The following VWA3B variants were observed in gnomAD, a reference collection of about 807,000 sequenced individuals.
The protein encoded by VWA3B is von Willebrand factor A domain-containing protein 3B.
In VWA3B, 138 loss-of-function variants were observed where a neutral mutation model predicts 158.3. The observed-to-expected ratio is 0.87, with a 90% confidence interval of 0.76 to 1.00. The LOEUF (loss-of-function observed/expected upper bound fraction) is 1.00, where lower values mean the gene tolerates loss of function less well. Among genes scored for constraint, VWA3B ranks in the 50% least tolerant of loss-of-function variants. The probability of loss-of-function intolerance (pLI) is 0.00; values close to 1 mark genes in which losing one functional copy is unlikely to be tolerated. For missense variants in VWA3B, 1,555 were observed against 1,565.1 expected (o/e 0.99, Z 0.11); for synonymous variants, 596 against 587.3 (o/e 1.01, Z -0.21).
At chr2:98,151,385 G>A (rs1355029584) in intron 7 of VWA3B, among the ~76,000 whole-genome samples, 1 of 152,220 alleles carries the variant, frequency 6.6e-6, no homozygotes, top group African/African-American at 2.4e-5. Flanking sequence ...GATCACAGGT[G>A]TGAGCCACCG....
downstream of VWA3B, among the ~76,000 whole-genome samples, chr2:98,313,461 C>T (rs1691020077): frequency 6.6e-6 from 1 of 152,136 alleles, no homozygotes; most frequent in Non-Finnish European, 1.5e-5. Context: ...CTGGAGCAGT[C>T]TCCGCTAATG....
intron 14 of VWA3B, among the ~76,000 whole-genome samples, chr2:98,222,180 C>G (rs1367564775): frequency 6.6e-6 from 1 of 152,172 alleles, no homozygotes; most frequent in Non-Finnish European, 1.5e-5. Context: ...GTGGGCTACT[C>G]ATACCCTATC....
chr2:98,283,115 T>TC (rs556077742), intron 22 of VWA3B, among the ~76,000 whole-genome samples: 104 of 152,308 alleles, frequency 6.8e-4, no homozygotes, highest in Non-Finnish European at 1.4e-3. Flanking sequence ...ATTGAGAGAA[T>TC]CAATATTTGG....
intron 14 of VWA3B, among the ~76,000 whole-genome samples, chr2:98,224,127 G>A (rs975269811): frequency 6.6e-6 from 1 of 152,136 alleles, no homozygotes; most frequent in African/African-American, 2.4e-5. Context: ...TATTTTCATT[G>A]ATTGTTTACA....
chr2:98,312,400 T>C lies in VWA3B; in HGVS notation c.*51T>C. 1 of 1,558,062 alleles carries C rather than the reference T, an allele frequency of 6.4e-7. No homozygotes were observed. Among genetic ancestry groups the C allele is most frequent in the Non-Finnish European group, 8.7e-7 (1 of 1,151,994 alleles). ...AGAGACCAGCGTCCTTCCAGGCTGT[T>C]CAGACCTCAGCGTTGACACTGAAAC... On this transcript the variant is annotated 3_prime_UTR_variant, in exon 28 of 28. Coordinates refer to ENST00000477737, the MANE Select transcript of VWA3B (RefSeq NM_144992.5).
At chr2:98,270,579 G>A (rs1688137532) in intron 21 of VWA3B, 103 bp from the exon 22 acceptor site, 3 of 1,199,156 alleles carry the variant, frequency 2.5e-6, no homozygotes, top group Admixed American at 4.7e-5. Context: ...TTTCTCAGGG[G>A]AGAATTTCTT....
At chr2:98,114,229 T>G (rs1674359243) in intron 2 of VWA3B, among the ~76,000 whole-genome samples, 1 of 152,226 alleles carries the variant, frequency 6.6e-6, no homozygotes, top group Admixed American at 6.5e-5. Context: ...TTCCATAGTC[T>G]TATTTCCTTC....
intron 12 of VWA3B, among the ~76,000 whole-genome samples, chr2:98,205,871 A>G (rs575555761): frequency 1.3e-5 from 2 of 152,258 alleles, no homozygotes; most frequent in South Asian, 2.1e-4. Flanking sequence ...TTTTGATTCC[A>G]CTATAGTCAG....
chr2:98,282,948 A>G (rs974871978), intron 22 of VWA3B, among the ~76,000 whole-genome samples: 39 of 152,234 alleles, frequency 2.6e-4, no homozygotes, highest in African/African-American at 9.4e-4. Context: ...CACAGAGTGA[A>G]TGGCTATTCT....
chr2:98,093,234 A>G lies in VWA3B; in HGVS notation c.142A>G (p.Asn48Asp). 1.2e-6 allele frequency: 2 copies of G among 1,614,156 alleles called. No individual in the cohort carries two copies. The highest frequency in any genetic ancestry group is 2.2e-5 in the South Asian group (2 of 91,086). The change falls in exon 2 of 28, where the codon AAC (asparagine) becomes GAC (aspartate). Residue 48 changes from asparagine to aspartate, a missense_variant. By Grantham distance (23) the Asn-to-Asp change is conservative. Transcript: ENST00000477737. ...KWLQLHGLKSNKLTLKQILSQ... is the reference protein window; with the variant it reads ...KWLQLHGLKSDKLTLKQILSQ... ...GCTTCAACTGCATGGGCTTAAGAGC[A>G]ACAAATTGACCTTGAAACAGATTTT...
Position 98,162,965 on chromosome 2 carries a change from C to A in VWA3B, c.1103C>A (p.Thr368Asn). 1.9e-6 allele frequency: 3 copies of A among 1,614,164 alleles called. No individual in the cohort carries two copies. The highest frequency in any genetic ancestry group is 2.5e-6 in the Non-Finnish European group (3 of 1,180,032). ...GAGCCTCCCAAGCCCGACGTGGCCA[C>A]TGTGGACTGCGGTTGGTGCTATTTC... ...VAEPPKPDVA[T>N]VDCESETTSV... is the part of the protein sequence containing the mutation. The change falls in exon 8 of 28, where the codon ACT becomes AAT. Residue 368 changes from threonine (T) to asparagine (N), a missense_variant. Coordinates refer to ENST00000477737, the MANE Select transcript of VWA3B (RefSeq NM_144992.5).
intron 7 of VWA3B, among the ~76,000 whole-genome samples, chr2:98,158,953 A>G (rs1403191736): frequency 6.6e-6 from 1 of 152,136 alleles, no homozygotes; most frequent in African/African-American, 2.4e-5. Flanking sequence ...TACAGAGGAG[A>G]TGCTCAACAC....
At chr2:98,133,735 C>T (rs937339699) in intron 6 of VWA3B, 89 bp from the exon 7 acceptor site, 38 of 1,116,656 alleles carry the variant, frequency 3.4e-5, no homozygotes, top group Non-Finnish European at 4.0e-5. Flanking sequence ...CCAGTGCTGC[C>T]GAAGAGCACG....
intron 7 of VWA3B, among the ~76,000 whole-genome samples, chr2:98,144,123 A>G (rs1477896394): frequency 6.6e-6 from 1 of 152,138 alleles, no homozygotes; most frequent in Non-Finnish European, 1.5e-5. Flanking sequence ...ATATATATTA[A>G]TACATGTATG....
chr2:98,236,564 G>T lies in VWA3B; in HGVS notation c.2517-10G>T. On this transcript the variant is annotated splice_polypyrimidine_tract_variant and intron_variant, in intron 18 of 27. Coordinates refer to ENST00000477737, the MANE Select transcript of VWA3B (RefSeq NM_144992.5). ...GTAAATTTTAAAACACCACCTCCTT[G>T]TGTTCTTAGTTCTTCAGATGTGTCT... 6.2e-7 allele frequency: 1 copy of T among 1,614,106 alleles called. No homozygotes were observed.
chr2:98,265,549 G>A (rs1400497389), intron 21 of VWA3B, among the ~76,000 whole-genome samples: 9 of 151,718 alleles, frequency 5.9e-5, no homozygotes, highest in African/African-American at 1.9e-4. Context: ...AGACCTTTGG[G>A]TATATACCCA....
intron 21 of VWA3B, among the ~76,000 whole-genome samples, chr2:98,267,444 G>A (rs1484622310): frequency 1.3e-5 from 2 of 151,966 alleles, no homozygotes; most frequent in Non-Finnish European, 2.9e-5. Flanking sequence ...TGACTACTGG[G>A]TACATAACAA....
intron 23 of VWA3B, among the ~76,000 whole-genome samples, chr2:98,294,987 G>A (rs1689716685): frequency 6.6e-6 from 1 of 152,156 alleles, no homozygotes; most frequent in Admixed American, 6.5e-5. Context: ...TTCTGCATCC[G>A]ATGTGAGAGC....
Position 98,119,683 on chromosome 2 carries a change from G to A in VWA3B, c.462G>A (p.Gly154=). The stretch of plus-strand genomic sequence containing the variant: ...TGGATTTTGGCGGCATTCTGGAGGG[G>A]GAGCTTGATCTGTGCCGAGAGGCTC... ...IVLDFGGILE[G]ELDLCREALT... Residue 154 remains glycine, a synonymous_variant, in exon 4 of 28, where the codon GGG becomes GGA. Transcript: ENST00000477737. 1 of 1,614,120 alleles carries A rather than the reference G, an allele frequency of 6.2e-7. No homozygotes were observed. The highest frequency in any genetic ancestry group is 8.5e-7 in the Non-Finnish European group (1 of 1,180,022).
Sources: gnomAD v4.1 joint callset for allele counts (sites outside exome capture counted in the v4.1 genomes callset) on GRCh38, gnomAD v4.1.1 for gene constraint, MANE v1.5 for transcripts, NCBI Gene and HGNC (gene_info 2026-07-23, HGNC 2026-07-21) for gene names.